DNAAF5: variants seen among roughly 807,000 people sequenced by gnomAD.
The protein encoded by DNAAF5 is dynein axonemal assembly factor 5.
In DNAAF5, 64 loss-of-function variants were observed where a neutral mutation model predicts 75.8. The observed-to-expected ratio is 0.84, with a 90% CI of 0.69 to 1.04. The LOEUF is 1.04. Ranked by LOEUF, DNAAF5 falls within the 50% of genes least tolerant of loss-of-function variation. The probability of loss-of-function intolerance (pLI) is 0.00; values close to 1 mark genes in which losing one functional copy is unlikely to be tolerated. For missense variants in DNAAF5, 1,269 were observed against 1,178.5 expected (o/e 1.08, Z -1.12); for synonymous variants, 657 against 557.2 (o/e 1.18, Z -2.52).
In DNAAF5 at chr7:785,801, C is replaced by G. The variant is rs765255343; in HGVS notation, c.*148C>G. The stretch of plus-strand genomic sequence containing the variant: ...CTCAGGACACCTGCCCACTCTTTCC[C>G]TGGAATAACAGCCTCTGAGTGGATT... On this transcript the variant is annotated 3_prime_UTR_variant, in exon 13 of 13. Transcript: ENST00000297440. The G allele has an allele frequency of 2.0e-5, 16 of 815,930 alleles. No individual in the cohort carries two copies. Among genetic ancestry groups the G allele is most frequent in the Non-Finnish European group, 2.6e-5 (14 of 537,482 alleles). 50.5% of individuals were successfully genotyped at this position (815,930 alleles called of 1,614,324 possible). A position where few individuals can be genotyped will look rare whatever the true frequency, so the allele number is the denominator to read the frequency against.
intron 4 of DNAAF5, 79 bp downstream of exon 4, chr7:741,544 G>C (rs1378758217): frequency 1.8e-5 from 16 of 884,938 alleles, no homozygotes; most frequent in Non-Finnish European, 1.1e-5. Context: ...CCTGAAGGAA[G>C]CTTCAGCTCT....
In DNAAF5 at chr7:758,395, C is replaced by G. The variant is rs997529950; in HGVS notation, c.1470+1401C>G. ...AGTTGTGCATTTGGCTCCCCATCTTCCAGTTTTATCGAGGAAAAATTTAAT... is the reference window on the plus strand; with the variant it reads ...AGTTGTGCATTTGGCTCCCCATCTTGCAGTTTTATCGAGGAAAAATTTAAT... On this transcript the variant is annotated intron_variant, in intron 6 of 12. Coordinates refer to ENST00000297440, the MANE Select transcript of DNAAF5 (RefSeq NM_017802.4). Among the ~76,000 whole-genome samples, 3 of 152,208 alleles carry G rather than the reference C, an allele frequency of 2.0e-5. No homozygotes were observed. In the East Asian group the frequency reaches 5.8e-4, roughly 29 times the overall value.
chr7:727,267 C>A lies in DNAAF5; in HGVS notation c.547C>A (p.Arg183Ser). Reference sequence around the variant, plus strand: ...CCTGCTCGACCCCTTCGCCGCCGTGCGCCGCGAGAGCTGCAGCTGCGCCGC... The same window carrying A: ...CCTGCTCGACCCCTTCGCCGCCGTGAGCCGCGAGAGCTGCAGCTGCGCCGC... Reference protein sequence around the residue: ...CSLLDPFAAVRRESCSCAAAL... With the variant: ...CSLLDPFAAVSRESCSCAAAL... Residue 183 changes from arginine (R) to serine (S), a missense_variant, in exon 1 of 13, where the codon CGC becomes AGC. Physicochemically the swap from Arg to Ser is moderately radical, Grantham distance 110. Transcript: ENST00000297440. 1 of 1,329,128 alleles carries A rather than the reference C, an allele frequency of 7.5e-7. No homozygotes were observed. Among genetic ancestry groups the A allele is most frequent in the Non-Finnish European group, 9.6e-7 (1 of 1,043,866 alleles). The allele number at this position is 1,329,128 out of a possible 1,614,324, so 82.3% of individuals were successfully genotyped here.
At chr7:750,735 C>G (rs1782266067) in intron 4 of DNAAF5, 1 of 157,984 alleles carries the variant, frequency 6.3e-6, no homozygotes, top group Admixed American at 6.5e-5. Context: ...CTTGCGTACC[C>G]CTGCCCAGCA....
intron 4 of DNAAF5, among the ~76,000 whole-genome samples, chr7:745,822 C>G (rs960041220): frequency 6.6e-6 from 1 of 152,268 alleles, no homozygotes; most frequent in Non-Finnish European, 1.5e-5. Context: ...GGCTTCCTCC[C>G]TGTGGTGGAA....
intron 2 of DNAAF5, chr7:732,505 G>C: frequency 2.2e-6 from 1 of 456,052 alleles, no homozygotes; most frequent in Non-Finnish European, 4.4e-6. Flanking sequence ...GAGGCCACCA[G>C]GCCTGTTCTT....
Position 780,224 on chromosome 7 carries a change from A to C in DNAAF5, c.2431+80A>C, listed in dbSNP as rs994356574. ...CGGGCATCTGTAGCTGAGCCGTGTG[A>C]CCGGCCACAGGGCCCTGGGGCACAG... On this transcript the variant is annotated intron_variant, in intron 12 of 12. Transcript: ENST00000297440. 31 of 1,387,868 alleles carry C rather than the reference A, an allele frequency of 2.2e-5. No individual in the cohort carries two copies. In the African/African-American group the frequency reaches 3.7e-4, roughly 17 times the overall value. 86.0% of individuals were successfully genotyped at this position (1,387,868 alleles called of 1,614,324 possible). A position where few individuals can be genotyped will look rare whatever the true frequency, so the allele number is the denominator to read the frequency against.
In DNAAF5 at chr7:786,206, G is replaced by A. The variant is rs115296436; in HGVS notation, c.*553G>A. The A allele has an allele frequency of 0.013, 2,018 of 152,702 alleles. 47 individuals carry two copies. The highest frequency in any genetic ancestry group is 0.046 in the African/African-American group (1,894 of 41,548). The allele number at this position is 152,702 out of a possible 1,614,324, so 9.5% of individuals were successfully genotyped here. A position where few individuals can be genotyped will look rare whatever the true frequency, so the allele number is the denominator to read the frequency against. On this transcript the variant is annotated 3_prime_UTR_variant, in exon 13 of 13. Transcript: ENST00000297440. ...TTTAAAGGTTATATGTCCGGTCACCGTATGTTTTAAGTCGGTGTTAATGCT... is the reference window on the plus strand; with the variant it reads ...TTTAAAGGTTATATGTCCGGTCACCATATGTTTTAAGTCGGTGTTAATGCT...
At chr7:775,548 A>G (rs1330327149) in intron 11 of DNAAF5, among the ~76,000 whole-genome samples, 2 of 151,930 alleles carry the variant, frequency 1.3e-5, no homozygotes, top group Non-Finnish European at 2.9e-5. Context: ...GTATGGCTAC[A>G]TATATACATG....
In DNAAF5 at chr7:740,832, T is replaced by C. The variant is rs1213630328; in HGVS notation, c.794T>C (p.Val265Ala). The stretch of plus-strand genomic sequence containing the variant: ...TCTCATGCGCAGGTCCGGCGGGCGG[T>C]GGCCTCCGTGGTGGGCGGCTGGCTG... Reference protein sequence around the residue: ...FDDVPQVRRAVASVVGGWLLC... With the variant: ...FDDVPQVRRAAASVVGGWLLC... Residue 265 changes from valine to alanine, a missense_variant, in exon 3 of 13, where the codon GTG becomes GCG. Coordinates refer to ENST00000297440, the MANE Select transcript of DNAAF5 (RefSeq NM_017802.4). 1 of 1,613,888 alleles carries C rather than the reference T, an allele frequency of 6.2e-7. No individual in the cohort carries two copies. Among genetic ancestry groups the C allele is most frequent in the East Asian group, 2.2e-5 (1 of 44,882 alleles).
At chr7:740,082 C>T (rs1367125197) in intron 2 of DNAAF5, among the ~76,000 whole-genome samples, 1 of 152,142 alleles carries the variant, frequency 6.6e-6, no homozygotes, top group Non-Finnish European at 1.5e-5. Flanking sequence ...CACCCCAGAG[C>T]TCCCAGGATC....
chr7:763,930 A>G lies in DNAAF5; in HGVS notation c.1739A>G (p.His580Arg), dbSNP rs762336859. ...VTASHLDWTA[H>R]SPELLQFSVI... is the part of the protein sequence containing the mutation. ...GCGTCGCACCTTGACTGGACCGCAC[A>G]CTCGCCGGAGCTCCTGCAGTTCAGT... Residue 580 changes from histidine to arginine, a missense_variant, in exon 8 of 13, where the codon CAC becomes CGC. His to Arg is a conservative substitution (Grantham distance 29, BLOSUM62 0). Coordinates refer to ENST00000297440, the MANE Select transcript of DNAAF5 (RefSeq NM_017802.4). 13 of 1,608,896 alleles carry G rather than the reference A, an allele frequency of 8.1e-6. No individual in the cohort carries two copies. The Admixed American group carries it at 8.3e-5, about 10-fold the overall frequency.
chr7:745,306 C>G (rs79057730), intron 4 of DNAAF5, among the ~76,000 whole-genome samples: 23,709 of 152,172 alleles, frequency 0.16, 2,033 homozygotes, highest in East Asian at 0.28. Context: ...CCAGGAGGGT[C>G]CAGTCCTTCC....
chr7:754,757 T>G lies in DNAAF5; in HGVS notation c.1193T>G (p.Leu398Arg), dbSNP rs765217035. ...GCCGAGGACCACGCCACGCAGCACC[T>G]GGAGGTCGTCCTCCGGACCCTGTTC... is the stretch of plus-strand genomic sequence containing the variant. Reference protein sequence around the residue: ...LHAEDHATQHLEVVLRTLFQA... With the variant: ...LHAEDHATQHREVVLRTLFQA... Residue 398 changes from leucine (L) to arginine (R), a missense_variant, in exon 5 of 13, where the codon CTG (leucine) becomes CGG (arginine). Transcript: ENST00000297440. This position sits in a 1 kb window ranked among gnomAD's most constrained non-coding sequence, Gnocchi z 4.8. 1.9e-6 allele frequency: 3 copies of G among 1,613,448 alleles called. No individual in the cohort carries two copies. Among genetic ancestry groups the G allele is most frequent in the Non-Finnish European group, 2.5e-6 (3 of 1,179,950 alleles).
At chr7:733,319 T>A (rs1329387445) in intron 2 of DNAAF5, among the ~76,000 whole-genome samples, 4 of 152,220 alleles carry the variant, frequency 2.6e-5, no homozygotes, top group African/African-American at 9.7e-5. Context: ...AGGATTATTT[T>A]TTCTATTTCT....
rs756233808 is a variant in DNAAF5, at chr7:741,384, C to T, written c.943C>T (p.Gln315Ter). ...AASLWEDVGL[Q>*]WQKENEEDLK... ...CAGCCTCTGGGAGGACGTTGGCCTGCAGTGGCAGAAGGAGAATGAGGAGGA... is the reference window on the plus strand; with the variant it reads ...CAGCCTCTGGGAGGACGTTGGCCTGTAGTGGCAGAAGGAGAATGAGGAGGA... The change falls in exon 4 of 13, where the codon CAG (glutamine) becomes TAG (stop). Residue 315 changes from glutamine to a stop codon, truncating the protein, a stop_gained. Coordinates refer to ENST00000297440, the MANE Select transcript of DNAAF5 (RefSeq NM_017802.4). LOFTEE classifies it high-confidence loss of function. 7 of 1,584,812 alleles carry T rather than the reference C, an allele frequency of 4.4e-6. No homozygotes were observed. Among genetic ancestry groups the T allele is most frequent in the Non-Finnish European group, 6.0e-6 (7 of 1,166,438 alleles).
Position 729,619 on chromosome 7 carries a change from G to A in DNAAF5, c.596-44G>A, listed in dbSNP as rs371741012. The A allele has an allele frequency of 5.3e-5, 83 of 1,580,872 alleles. No homozygotes were observed. The African/African-American group carries it at 7.2e-4, about 14-fold the overall frequency. On this transcript the variant is annotated intron_variant, in intron 1 of 12. Transcript: ENST00000297440. ...GGAAGCCCACAGAGCTGGGCGAGGC[G>A]TGTGGGAGCAGCTCTGGTAACTGGG...
intron 11 of DNAAF5, among the ~76,000 whole-genome samples, chr7:776,291 G>C (rs1490238057): frequency 2.6e-5 from 4 of 151,896 alleles, no homozygotes; most frequent in Non-Finnish European, 5.9e-5. Flanking sequence ...AGCCAAGATC[G>C]CACCATTGCA....
chr7:767,293 G>A (rs369897222), intron 8 of DNAAF5, among the ~76,000 whole-genome samples: 6 of 50,332 alleles, frequency 1.2e-4, no homozygotes, highest in South Asian at 9.2e-4. Context: ...ATCCAATTAA[G>A]TGAAATAGCT....
Sources: gnomAD v4.1 joint callset for allele counts (sites outside exome capture counted in the v4.1 genomes callset) on GRCh38, gnomAD v4.1.1 for gene constraint, Gnocchi (gnomAD v3.1) non-coding constraint, MANE v1.5 for transcripts, NCBI Gene and HGNC (gene_info 2026-07-23, HGNC 2026-07-21) for gene names.